DTWD2: variants seen among roughly 807,000 people sequenced by gnomAD.
The protein encoded by DTWD2 is tRNA-uridine aminocarboxypropyltransferase 2.
A neutral mutation model predicts 31.8 loss-of-function variants in DTWD2; 39 were observed. The observed-to-expected ratio is 1.22, with a 90% CI of 0.95 to 1.60. The LOEUF is 1.60. Ranked by LOEUF, DTWD2 falls within the 40% of genes most tolerant of loss-of-function variation. The pLI is 0.00. For missense variants in DTWD2, 515 were observed against 381.5 expected (o/e 1.35, Z -2.92); for synonymous variants, 180 against 142.8 (o/e 1.26, Z -1.86).
intron 1 of DTWD2, among the ~76,000 whole-genome samples, chr5:118,958,707 T>G (rs1293231084): frequency 6.6e-6 from 1 of 151,018 alleles, no homozygotes; most frequent in Admixed American, 6.6e-5. Context: ...TCAAAAAAAA[T>G]TAGCAAACCG....
chr5:118,923,949 C>G (rs1472920461), intron 4 of DTWD2, among the ~76,000 whole-genome samples: 1 of 152,106 alleles, frequency 6.6e-6, no homozygotes, highest in Non-Finnish European at 1.5e-5. Flanking sequence ...ATAAAAAATT[C>G]TAAAAAAAAT....
chr5:118,875,962 C>A (rs935038861), intron 4 of DTWD2, among the ~76,000 whole-genome samples: 21 of 152,192 alleles, frequency 1.4e-4, no homozygotes, highest in African/African-American at 5.1e-4. Flanking sequence ...AAGTAAAACA[C>A]TCTTCGGCAA....
At chr5:118,915,392 TCAGA>T (rs1465812105) in intron 4 of DTWD2, among the ~76,000 whole-genome samples, 1 of 148,160 alleles carries the variant, frequency 6.7e-6, no homozygotes, top group Non-Finnish European at 1.5e-5. Context: ...TTTTTTTTTT[TCAGA>T]CAGAGTCTCG....
chr5:118,897,540 C>G (rs1342352036), intron 4 of DTWD2, among the ~76,000 whole-genome samples: 1 of 152,212 alleles, frequency 6.6e-6, no homozygotes, highest in African/African-American at 2.4e-5. Flanking sequence ...CATTTACATT[C>G]TCAGATCCCA....
chr5:118,933,970 T>C (rs1016681213), intron 3 of DTWD2, among the ~76,000 whole-genome samples: 8 of 150,550 alleles, frequency 5.3e-5, no homozygotes, highest in African/African-American at 1.5e-4. Flanking sequence ...TCACAAGATA[T>C]AAGGTTAATA....
At chr5:118,929,402 C>G (rs558850099) in intron 3 of DTWD2, among the ~76,000 whole-genome samples, 35 of 152,242 alleles carry the variant, frequency 2.3e-4, no homozygotes, top group Admixed American at 5.2e-4. Flanking sequence ...GCTAAGTGTT[C>G]AAACTGTGTT....
intron 1 of DTWD2, among the ~76,000 whole-genome samples, chr5:118,967,172 G>C (rs534084069): frequency 6.6e-6 from 1 of 152,056 alleles, no homozygotes; most frequent in Non-Finnish European, 1.5e-5. Flanking sequence ...AAGAGAGTCA[G>C]ATTTCTTACT....
rs577032366 is a variant in DTWD2 at position 118,836,444 on chromosome 5, G to C, written c.*4473C>G. On this transcript the variant is annotated 3_prime_UTR_variant, in exon 6 of 6. Coordinates refer to ENST00000510708, the MANE Select transcript of DTWD2 (RefSeq NM_173666.4). Reference sequence around the variant, plus strand: ...AGTACAGATGAGGTTTCACCATCTTGGCCAGGCTGGTCTTGAACTCCTGAC... The same window carrying C: ...AGTACAGATGAGGTTTCACCATCTTCGCCAGGCTGGTCTTGAACTCCTGAC... 1.4e-3 allele frequency among the ~76,000 whole-genome samples: 210 copies of C among 152,198 alleles called. 1 individual carries two copies. Among genetic ancestry groups the C allele is most frequent in the African/African-American group, 4.7e-3 (196 of 41,548 alleles).
intron 4 of DTWD2, among the ~76,000 whole-genome samples, chr5:118,925,271 A>G (rs564810029): frequency 6.6e-6 from 1 of 152,368 alleles, no homozygotes; most frequent in East Asian, 1.9e-4. Flanking sequence ...CAAGTATACC[A>G]AAAAATAAAA....
chr5:118,861,286 G>A (rs79863929), intron 4 of DTWD2, among the ~76,000 whole-genome samples: 4 of 152,192 alleles, frequency 2.6e-5, no homozygotes, highest in African/African-American at 9.6e-5. Flanking sequence ...TGAAGTTTAT[G>A]ATTAGAGTAA....
intron 4 of DTWD2, among the ~76,000 whole-genome samples, chr5:118,870,655 C>A (rs912660121): frequency 6.6e-6 from 1 of 152,130 alleles, no homozygotes; most frequent in African/African-American, 2.4e-5. Flanking sequence ...GGTGGAGGGT[C>A]TTGTCTCAAA....
chr5:118,839,680 C>T lies in DTWD2; in HGVS notation c.*1237G>A, dbSNP rs775579346. On this transcript the variant is annotated 3_prime_UTR_variant, in exon 6 of 6. Transcript: ENST00000510708. The stretch of plus-strand genomic sequence containing the variant: ...CCCAGCCCTAATTTGTTTTTAAATC[C>T]AAAAATAAATCAACAATAGAAGCCA... 1.1e-4 allele frequency: 16 copies of T among 151,962 alleles called. No individual in the cohort carries two copies. Among genetic ancestry groups the T allele is most frequent in the Admixed American group, 2.0e-4 (3 of 15,220 alleles). 9.4% of individuals were successfully genotyped at this position (151,962 alleles called of 1,614,324 possible). A position where few individuals can be genotyped will look rare whatever the true frequency, so the allele number is the denominator to read the frequency against.
intron 1 of DTWD2, among the ~76,000 whole-genome samples, chr5:118,968,631 A>ATC (rs764480614): frequency 2.6e-5 from 4 of 152,100 alleles, no homozygotes; most frequent in Non-Finnish European, 4.4e-5. Context: ...AGATCAGGAG[A>ATC]TCCCCCCCTG....
rs145273380 is a variant in DTWD2, at chr5:118,854,782, T to C, written c.598-6564A>G. Among the ~76,000 whole-genome samples, 208 of 152,328 alleles carry C rather than the reference T, an allele frequency of 1.4e-3. 6 individuals carry two copies. The East Asian group carries it at 0.028, about 20-fold the overall frequency. On this transcript the variant is annotated intron_variant, in intron 4 of 5. Transcript: ENST00000510708. ...TAGTGTTTCATTATCAATTACATCA[T>C]TCATATGTTTCTAAAATATTTCACA...
rs578224423 is a variant in DTWD2 at position 118,963,241 on chromosome 5, G to A, written c.219-18592C>T. ...AGAAGAAGAAACTATTCAAACTTGG[G>A]AGATAGCTAGAAGGATAAGAAATGG... On this transcript the variant is annotated intron_variant, in intron 1 of 5. Transcript: ENST00000510708. Among the ~76,000 whole-genome samples, 117 of 152,382 alleles carry A rather than the reference G, an allele frequency of 7.7e-4. 1 individual carries two copies. Among genetic ancestry groups the A allele is most frequent in the African/African-American group, 2.8e-3 (117 of 41,596 alleles).
chr5:118,850,916 T>C (rs1751986077), intron 4 of DTWD2, among the ~76,000 whole-genome samples: 1 of 151,946 alleles, frequency 6.6e-6, no homozygotes. Flanking sequence ...GATGAAAAAA[T>C]GCTCAGTATC....
At chr5:118,856,148 C>T (rs1752129682) in intron 4 of DTWD2, among the ~76,000 whole-genome samples, 1 of 152,124 alleles carries the variant, frequency 6.6e-6, no homozygotes, top group Non-Finnish European at 1.5e-5. Flanking sequence ...TAAACCCCAC[C>T]TTTTCTGAAA....
In DTWD2 at chr5:118,988,472, C is replaced by T; in HGVS notation, c.40G>A (p.Val14Ile). ...CTTGAGGCCCCAGAAGGCCGCGCAA[C>T]GGGCTCCTGGAGTGTTCGTGCCTCT... Reference protein sequence around the residue: ...QKEARTLQEPVARPSGASSSQ... With the variant: ...QKEARTLQEPIARPSGASSSQ... The change falls in exon 1 of 6, where the codon GTT (valine) becomes ATT (isoleucine). Residue 14 changes from valine (V) to isoleucine (I), a missense_variant. By Grantham distance (29) the Val-to-Ile change is conservative. Coordinates refer to ENST00000510708, the MANE Select transcript of DTWD2 (RefSeq NM_173666.4). 2 of 1,605,318 alleles carry T rather than the reference C, an allele frequency of 1.2e-6. No individual in the cohort carries two copies. The highest frequency in any genetic ancestry group is 2.3e-5 in the East Asian group (1 of 44,064).
In DTWD2 at chr5:118,971,228, T is replaced by C. The variant is rs777094942; in HGVS notation, c.218+17066A>G. On this transcript the variant is annotated intron_variant, in intron 1 of 5. Coordinates refer to ENST00000510708, the MANE Select transcript of DTWD2 (RefSeq NM_173666.4). ...AGTCAAGATCCATCTGTATGCTATCTTCAAGAGACCCATCTCACATGCAAA... is the reference window on the plus strand; with the variant it reads ...AGTCAAGATCCATCTGTATGCTATCCTCAAGAGACCCATCTCACATGCAAA... 1.2e-4 allele frequency among the ~76,000 whole-genome samples: 19 copies of C among 152,264 alleles called. 1 individual carries two copies. The highest frequency in any genetic ancestry group is 3.4e-3 in the Middle Eastern group (1 of 294).
Sources: allele counts gnomAD v4.1 joint callset (sites outside exome capture counted in the v4.1 genomes callset), GRCh38; gene constraint gnomAD v4.1.1; transcripts MANE v1.5; gene names NCBI Gene and HGNC (gene_info 2026-07-23, HGNC 2026-07-21).